The following FMNL2 variants were observed in gnomAD, a reference collection of about 807,000 sequenced individuals.
FMNL2 encodes formin-like protein 2.
In FMNL2, 51 loss-of-function variants were observed where a neutral mutation model predicts 130.2. The ratio of observed to expected loss-of-function variants is 0.39; its 90% confidence interval spans 0.31 to 0.49. The LOEUF (loss-of-function observed/expected upper bound fraction) is 0.49, where lower values mean the gene tolerates loss of function less well. Ranked by LOEUF, FMNL2 falls within the 20% of genes least tolerant of loss-of-function variation. The probability of loss-of-function intolerance (pLI) is 0.85; values close to 1 mark genes in which losing one functional copy is unlikely to be tolerated. For missense variants in FMNL2, 977 were observed against 1,316.2 expected, an observed-to-expected ratio of 0.74 and a Z score of 3.99; for synonymous variants, 465 against 467.1, an observed-to-expected ratio of 1.00 and a Z score of 0.06.
intron 1 of FMNL2, among the ~76,000 whole-genome samples, chr2:152,471,988 A>T (rs570073223): frequency 6.6e-6 from 1 of 152,334 alleles, no homozygotes; most frequent in African/African-American, 2.4e-5. Flanking sequence ...CAACACTAAC[A>T]GCTGATCACA....
intron 1 of FMNL2, among the ~76,000 whole-genome samples, chr2:152,468,607 T>C (rs1347389042): frequency 6.6e-6 from 1 of 152,218 alleles, no homozygotes; most frequent in African/African-American, 2.4e-5. Context: ...AATAATTTTA[T>C]GTTGGTTACA....
intron 1 of FMNL2, among the ~76,000 whole-genome samples, chr2:152,389,100 G>A (rs1684952504): frequency 7.4e-6 from 1 of 135,892 alleles, no homozygotes; most frequent in Admixed American, 7.4e-5. Flanking sequence ...GCAAATGAAA[G>A]GAGCATTTTT....
chr2:152,413,143 G>A (rs1686414402), intron 1 of FMNL2, among the ~76,000 whole-genome samples: 1 of 152,108 alleles, frequency 6.6e-6, no homozygotes, highest in Non-Finnish European at 1.5e-5. Flanking sequence ...TTGGGGGTGG[G>A]CAGGTGGCAA....
chr2:152,412,806 C>CA (rs898264278), intron 1 of FMNL2, among the ~76,000 whole-genome samples: 9 of 148,968 alleles, frequency 6.0e-5, no homozygotes, highest in African/African-American at 1.5e-4. Flanking sequence ...GACCCTGTCT[C>CA]AAAAAAAAAG....
intron 1 of FMNL2, among the ~76,000 whole-genome samples, chr2:152,467,786 G>T (rs184614649): frequency 9.3e-4 from 142 of 152,306 alleles, no homozygotes; most frequent in Non-Finnish European, 1.4e-3. Context: ...GAGCAGGCCT[G>T]GTCAACTGTT....
chr2:152,494,794 A>T (rs951802795), intron 1 of FMNL2, among the ~76,000 whole-genome samples: 8 of 152,204 alleles, frequency 5.3e-5, no homozygotes, highest in African/African-American at 1.7e-4. Context: ...GCCCTGGGTT[A>T]TCAGCCTGTT....
intron 1 of FMNL2, among the ~76,000 whole-genome samples, chr2:152,371,704 C>A (rs1683897011): frequency 6.6e-6 from 1 of 150,612 alleles, no homozygotes; most frequent in Non-Finnish European, 1.5e-5. Flanking sequence ...GAAATGTAAT[C>A]CCTAATGTGG....
intron 1 of FMNL2, among the ~76,000 whole-genome samples, chr2:152,457,225 T>C (rs1289514901): frequency 6.6e-6 from 1 of 152,126 alleles, no homozygotes; most frequent in African/African-American, 2.4e-5. Flanking sequence ...ATTTGTTTGT[T>C]AGTTTATTGA....
intron 1 of FMNL2, among the ~76,000 whole-genome samples, chr2:152,452,781 T>TCGATGGGGAGGGCTGG (rs1688717012): frequency 6.6e-6 from 1 of 151,986 alleles, no homozygotes; most frequent in Non-Finnish European, 1.5e-5. Context: ...GGGAGGGCTG[T>TCGATGGGGAGGGCTGG]CGATGGGGAG....
intron 25 of FMNL2, among the ~76,000 whole-genome samples, chr2:152,642,762 C>G (rs1486786214): frequency 6.6e-6 from 1 of 152,174 alleles, no homozygotes; most frequent in Non-Finnish European, 1.5e-5. Flanking sequence ...ATCCTAAGCA[C>G]TTTGGGAGGG....
intron 25 of FMNL2, among the ~76,000 whole-genome samples, chr2:152,646,996 T>C (rs988268395): frequency 1.3e-5 from 2 of 152,172 alleles, no homozygotes; most frequent in Admixed American, 6.5e-5. Flanking sequence ...TATGCAGTGA[T>C]TGACTCATTC....
intron 25 of FMNL2, among the ~76,000 whole-genome samples, chr2:152,642,757 A>G (rs546689930): frequency 1.3e-5 from 2 of 152,286 alleles, no homozygotes; most frequent in South Asian, 4.1e-4. Context: ...CTGTAATCCT[A>G]AGCACTTTGG....
At chr2:152,617,068 G>C in intron 12 of FMNL2, 23 bp from the exon 13 acceptor site, 1 of 1,606,776 alleles carries the variant, frequency 6.2e-7, no homozygotes, top group Admixed American at 1.7e-5. Context: ...TATTGTGACA[G>C]CTTTCTTTTC....
At chr2:152,599,405 C>CTTTTTTTTTTT (rs35753197) in intron 9 of FMNL2, among the ~76,000 whole-genome samples, 5 of 45,086 alleles carry the variant, frequency 1.1e-4, no homozygotes, top group East Asian at 7.1e-4. Context: ...TGAAGGTCAT[C>CTTTTTTTTTTT]TTTTTTTTTT....
Position 152,521,963 on chromosome 2 carries a change from TGACAAA to T in FMNL2, c.140_145del (p.Asp47_Lys48del). On this transcript the variant is annotated inframe_deletion, in exon 2 of 26. Coordinates refer to ENST00000288670, the MANE Select transcript of FMNL2 (RefSeq NM_052905.4). ...AACAGAATGCTATGAACCTACCTCCTGACAAAGCCAGGTTACTGCGGCAGTATGATA... is the reference window on the plus strand; with the variant it reads ...AACAGAATGCTATGAACCTACCTCCTGCCAGGTTACTGCGGCAGTATGATA... 1 of 1,613,064 alleles carries T rather than the reference TGACAAA, an allele frequency of 6.2e-7. No individual in the cohort carries two copies. The highest frequency in any genetic ancestry group is 1.1e-5 in the South Asian group (1 of 90,844).
intron 1 of FMNL2, among the ~76,000 whole-genome samples, chr2:152,397,706 T>C (rs1685476920): frequency 2.0e-5 from 3 of 152,164 alleles, no homozygotes; most frequent in African/African-American, 7.2e-5. Context: ...TTCCTTCTTT[T>C]GGTCCTTCTA....
At chr2:152,645,365 G>A in intron 25 of FMNL2, 1 of 837,764 alleles carries the variant, frequency 1.2e-6, no homozygotes, top group Non-Finnish European at 1.7e-6. Flanking sequence ...GCACTAAGTT[G>A]AGTTGCTTTC....
chr2:152,485,720 A>C (rs776332218), intron 1 of FMNL2, among the ~76,000 whole-genome samples: 3 of 152,230 alleles, frequency 2.0e-5, no homozygotes, highest in African/African-American at 4.8e-5. Context: ...CATGAAGGTG[A>C]AAGCCAGTGA....
At chr2:152,378,986 CAAAAAAA>C (rs34091948) in intron 1 of FMNL2, among the ~76,000 whole-genome samples, 3 of 41,990 alleles carry the variant, frequency 7.1e-5, no homozygotes, top group African/African-American at 1.2e-4. Context: ...AGACCAGCTG[CAAAAAAA>C]AAAAAAAAAA....
Sources: gnomAD v4.1 joint callset for allele counts (sites outside exome capture counted in the v4.1 genomes callset) on GRCh38, gnomAD v4.1.1 for gene constraint, MANE v1.5 for transcripts, NCBI Gene and HGNC (gene_info 2026-07-23, HGNC 2026-07-21) for gene names.